Variants in ADGRV1 observed in about 807,000 individuals in gnomAD.
The protein encoded by ADGRV1 is adhesion G protein-coupled receptor V1, also known as G-protein coupled receptor 98.
A neutral mutation model predicts 596.2 loss-of-function variants in ADGRV1; 359 were observed. The ratio of observed to expected loss-of-function variants is 0.60; its 90% CI spans 0.55 to 0.66. The LOEUF (loss-of-function observed/expected upper bound fraction) is 0.66, where lower values mean the gene tolerates loss of function less well. Among genes scored for constraint, ADGRV1 ranks in the 30% least tolerant of loss-of-function variants. The probability of loss-of-function intolerance (pLI) is 0.00; values close to 1 mark genes in which losing one functional copy is unlikely to be tolerated. For missense variants in ADGRV1, 7,274 were observed against 7,575.6 expected (o/e 0.96, Z 1.48); for synonymous variants, 2,681 against 2,679.2 (o/e 1.00, Z -0.02).
Position 90,745,632 on chromosome 5 carries a change from C to T in ADGRV1, c.10811C>T (p.Thr3604Ile), listed in dbSNP as rs1228940279. 2 of 1,612,518 alleles carry T rather than the reference C, an allele frequency of 1.2e-6. No individual in the cohort carries two copies. Among genetic ancestry groups the T allele is most frequent in the African/African-American group, 2.7e-5 (2 of 74,854 alleles). The change falls in exon 52 of 90, where the codon ACA (threonine) becomes ATA (isoleucine). Residue 3604 changes from threonine to isoleucine, a missense_variant. By Grantham distance (89) the Thr-to-Ile change is moderately conservative. Coordinates refer to ENST00000405460, the MANE Select transcript of ADGRV1 (RefSeq NM_032119.4). ...LIFEPGEREA[T>I]IAVNILDDTV... ...TTTGAACCTGGTGAGAGAGAAGCTA[C>T]AATAGCAGTAAATATCCTTGATGAT...
chr5:90,928,917 G>T (rs1561955995), intron 83 of ADGRV1, among the ~76,000 whole-genome samples: 3 of 145,138 alleles, frequency 2.1e-5, no homozygotes, highest in Non-Finnish European at 4.6e-5. Context: ...TGCCCCTGCT[G>T]GGGGGTGCCT....
At chr5:90,712,460 C>A in intron 42 of ADGRV1, 32 bp downstream of exon 42, 1 of 1,502,520 alleles carries the variant, frequency 6.7e-7, no homozygotes, top group South Asian at 1.3e-5. Context: ...ACAGCTTCCT[C>A]TCCTTCATGC....
chr5:90,875,610 T>C (rs768429218), intron 83 of ADGRV1, among the ~76,000 whole-genome samples: 2 of 152,164 alleles, frequency 1.3e-5, no homozygotes, highest in African/African-American at 2.4e-5. Flanking sequence ...AGAGGGAGAC[T>C]TCTGGAAACT....
In ADGRV1 at chr5:90,710,844, A is replaced by C. The variant is rs549841103; in HGVS notation, c.8825-137A>C. 3.6e-4 allele frequency: 197 copies of C among 553,270 alleles called. 1 individual carries two copies. Among genetic ancestry groups the C allele is most frequent in the Admixed American group, 2.1e-3 (62 of 29,530 alleles). 34.3% of individuals were successfully genotyped at this position (553,270 alleles called of 1,614,324 possible). On this transcript the variant is annotated intron_variant, in intron 39 of 89. Coordinates refer to ENST00000405460, the MANE Select transcript of ADGRV1 (RefSeq NM_032119.4). ...TAAGCATTGTCTCTTTATTTTCTTA[A>C]ACATCTTTTGAGTAATGTTGATAAT...
chr5:90,807,878 G>C, intron 73 of ADGRV1, 141 bp downstream of exon 73: 1 of 704,870 alleles, frequency 1.4e-6, no homozygotes, highest in Admixed American at 3.5e-5. Context: ...CACGTGGCGT[G>C]CATGCTGGAG....
intron 85 of ADGRV1, among the ~76,000 whole-genome samples, chr5:91,019,996 C>T (rs1277805439): frequency 6.6e-6 from 1 of 151,948 alleles, no homozygotes; most frequent in Non-Finnish European, 1.5e-5. Flanking sequence ...TTGGGCCTGT[C>T]AAAGCCTTAG....
At chr5:90,701,805 G>A (rs1225854530) in intron 34 of ADGRV1, among the ~76,000 whole-genome samples, 2 of 151,698 alleles carry the variant, frequency 1.3e-5, no homozygotes, top group Non-Finnish European at 2.9e-5. Context: ...ACCTAAAAAT[G>A]ATGTATTTAT....
At chr5:90,796,704 G>A (rs181017016) in intron 70 of ADGRV1, among the ~76,000 whole-genome samples, 12 of 152,278 alleles carry the variant, frequency 7.9e-5, no homozygotes, top group Non-Finnish European at 1.6e-4. Context: ...AGGAAAAAAT[G>A]TTAAGGGCAG....
intron 1 of ADGRV1, among the ~76,000 whole-genome samples, chr5:90,564,273 A>C (rs1199853760): frequency 6.6e-6 from 1 of 152,194 alleles, no homozygotes; most frequent in Non-Finnish European, 1.5e-5. Context: ...GATGAGCAGG[A>C]ATGAAATGAA....
intron 50 of ADGRV1, among the ~76,000 whole-genome samples, chr5:90,741,215 A>C (rs1753925894): frequency 6.6e-6 from 1 of 152,106 alleles, no homozygotes. Context: ...CTGGACTATT[A>C]CATCACTTCC....
intron 28 of ADGRV1, 53 bp downstream of exon 28, chr5:90,684,248 C>T: frequency 6.9e-7 from 1 of 1,439,130 alleles, no homozygotes; most frequent in South Asian, 1.5e-5. Context: ...AATCCTGAAA[C>T]AATCAGTTTT....
intron 52 of ADGRV1, among the ~76,000 whole-genome samples, chr5:90,746,925 C>T (rs1754692329): frequency 6.6e-6 from 1 of 152,120 alleles, no homozygotes; most frequent in Non-Finnish European, 1.5e-5. Flanking sequence ...TCTTTATTTT[C>T]ATGGTCCTTA....
At chr5:90,571,203 T>C (rs1211938412) in intron 1 of ADGRV1, among the ~76,000 whole-genome samples, 1 of 152,006 alleles carries the variant, frequency 6.6e-6, no homozygotes, top group African/African-American at 2.4e-5. Flanking sequence ...ACAGAGATTT[T>C]CTTAAATCCT....
At chr5:90,585,628 G>A (rs498491) in intron 1 of ADGRV1, among the ~76,000 whole-genome samples, 1 of 152,054 alleles carries the variant, frequency 6.6e-6, no homozygotes, top group African/African-American at 2.4e-5. Context: ...TCAGGGGAAG[G>A]GGAGCCCAGG....
intron 82 of ADGRV1, 90 bp downstream of exon 82, chr5:90,855,991 C>T (rs1332133722): frequency 1.4e-5 from 14 of 1,028,056 alleles, no homozygotes; most frequent in Non-Finnish European, 1.8e-5. Context: ...ATGCAAGATG[C>T]AAACATACCG....
At chr5:90,586,258 G>A (rs1019563628) in intron 1 of ADGRV1, among the ~76,000 whole-genome samples, 4 of 152,192 alleles carry the variant, frequency 2.6e-5, no homozygotes, top group Non-Finnish European at 5.9e-5. Flanking sequence ...GCTATAAAAT[G>A]TATGGATATT....
chr5:90,586,904 A>G (rs1486962621), intron 1 of ADGRV1, among the ~76,000 whole-genome samples: 1 of 152,144 alleles, frequency 6.6e-6, no homozygotes, highest in Non-Finnish European at 1.5e-5. Flanking sequence ...CATTAGCTGG[A>G]ATTTTTCTGT....
intron 57 of ADGRV1, among the ~76,000 whole-genome samples, chr5:90,758,425 C>G (rs995707088): frequency 6.6e-6 from 1 of 152,142 alleles, no homozygotes; most frequent in African/African-American, 2.4e-5. Flanking sequence ...ATTGAAGCAG[C>G]CTTTCAACTT....
chr5:91,112,277 A>G (rs999091975), intron 87 of ADGRV1, among the ~76,000 whole-genome samples: 3 of 152,206 alleles, frequency 2.0e-5, no homozygotes, highest in African/African-American at 7.2e-5. Flanking sequence ...CCCTCCTTCC[A>G]AACAGGTGCC....
Sources: gnomAD v4.1 joint callset for allele counts (sites outside exome capture counted in the v4.1 genomes callset) on GRCh38, gnomAD v4.1.1 for gene constraint, MANE v1.5 for transcripts, NCBI Gene and HGNC (gene_info 2026-07-23, HGNC 2026-07-21) for gene names.